Variants in DNAAF11 observed in about 807,000 individuals in gnomAD.
DNAAF11 encodes the protein leucine rich repeat containing 6.
DNAAF11 carries 45 observed loss-of-function variants against 60.8 expected under a neutral mutation model. The ratio of observed to expected loss-of-function variants is 0.74; its 90% confidence interval spans 0.58 to 0.95. DNAAF11 has a LOEUF of 0.95. Among genes scored for constraint, DNAAF11 ranks in the 40% least tolerant of loss-of-function variants. The pLI is 0.00. For synonymous variants in DNAAF11, 191 were observed against 183.5 expected (o/e 1.04, Z -0.33); for missense variants, 546 against 546.2 (o/e 1.00, Z 0.00).
chr8:132,684,279 A>T, the DNAAF11 span, among the ~76,000 whole-genome samples: 1 of 152,246 alleles, frequency 6.6e-6, no homozygotes, highest in Non-Finnish European at 1.5e-5. Context: ...AAAAGGATGT[A>T]GATTAAATCA....
chr8:132,574,812 G>A (rs1454652872), intron 11 of DNAAF11, among the ~76,000 whole-genome samples: 2 of 152,166 alleles, frequency 1.3e-5, no homozygotes, highest in Admixed American at 6.5e-5. Context: ...GAGGACAAGA[G>A]GAATAGTCAG....
chr8:132,585,893 A>G (rs1815840535), intron 10 of DNAAF11, among the ~76,000 whole-genome samples: 1 of 152,166 alleles, frequency 6.6e-6, no homozygotes, highest in Admixed American at 6.5e-5. Flanking sequence ...ATATGGTTTA[A>G]ATATGAAAAC....
chr8:132,591,462 T>A (rs1816457299), intron 10 of DNAAF11, among the ~76,000 whole-genome samples: 1 of 151,890 alleles, frequency 6.6e-6, no homozygotes, highest in South Asian at 2.1e-4. Flanking sequence ...TATAATATTT[T>A]ATTATAATAT....
chr8:132,663,999 C>T (rs1314118277), intron 1 of DNAAF11, among the ~76,000 whole-genome samples: 1 of 152,226 alleles, frequency 6.6e-6, no homozygotes, highest in Non-Finnish European at 1.5e-5. Context: ...GCAAGATTTC[C>T]CCAATCCACC....
intron 1 of DNAAF11, 109 bp from the exon 2 acceptor site, chr8:132,661,736 T>A: frequency 8.6e-7 from 1 of 1,168,024 alleles, no homozygotes; most frequent in Non-Finnish European, 1.2e-6. Context: ...CAGTTGAATG[T>A]CAATTTTCCA....
At chr8:132,686,021 C>T in the DNAAF11 span, among the ~76,000 whole-genome samples, 37 of 152,140 alleles carry the variant, frequency 2.4e-4, no homozygotes, top group African/African-American at 8.7e-4. Context: ...AGTGAACATA[C>T]AATGAACGAG....
Position 132,661,463 on chromosome 8 carries a change from T to C in DNAAF11, c.175A>G (p.Ile59Val), listed in dbSNP as rs1162533132. 6.2e-7 allele frequency: 1 copy of C among 1,610,932 alleles called. No homozygotes were observed. The highest frequency in any genetic ancestry group is 1.3e-5 in the African/African-American group (1 of 74,854). ...LYLQNNLIGK[I>V]ENVSKLKKLE... Reference sequence around the variant, plus strand: ...AGAACTAAGTACTGAAACTTACCAATTTTCCCAATAAGATTATTTTGAAGA... The same window carrying C: ...AGAACTAAGTACTGAAACTTACCAACTTTCCCAATAAGATTATTTTGAAGA... Residue 59 changes from isoleucine (I) to valine (V), a missense_variant, in exon 2 of 12, where the codon ATT becomes GTT. Transcript: ENST00000620350.
chr8:132,605,085 C>A (rs1818002826), intron 10 of DNAAF11, among the ~76,000 whole-genome samples: 1 of 152,042 alleles, frequency 6.6e-6, no homozygotes, highest in Admixed American at 6.6e-5. Context: ...TATTATGTCC[C>A]AAGCGCTGTC....
chr8:132,607,586 T>C (rs1169153360), intron 10 of DNAAF11, among the ~76,000 whole-genome samples: 1 of 152,132 alleles, frequency 6.6e-6, no homozygotes, highest in African/African-American at 2.4e-5. Flanking sequence ...AAGAAAAGAG[T>C]AAAATATTAA....
chr8:132,585,841 T>C (rs983568047), intron 10 of DNAAF11, among the ~76,000 whole-genome samples: 1 of 152,214 alleles, frequency 6.6e-6, no homozygotes, highest in Non-Finnish European at 1.5e-5. Context: ...TGCTGACCAA[T>C]GTTATATTTG....
At position 132,572,199 on chromosome 8, in the gene DNAAF11, T is replaced by C. The variant is rs1243023170; in HGVS notation, c.*107A>G. The C allele has an allele frequency of 3.4e-6, 3 of 880,778 alleles. No individual in the cohort carries two copies. Among genetic ancestry groups the C allele is most frequent in the East Asian group, 2.5e-5 (1 of 39,550 alleles). 54.6% of individuals were successfully genotyped at this position (880,778 alleles called of 1,614,324 possible). Reference sequence around the variant, plus strand: ...GAGTTAAAACACTGGAGCAGCGATATTGACAAATAACTCTGTGTTTATCCC... The same window carrying C: ...GAGTTAAAACACTGGAGCAGCGATACTGACAAATAACTCTGTGTTTATCCC... On this transcript the variant is annotated 3_prime_UTR_variant, in exon 12 of 12. Coordinates refer to ENST00000620350, the MANE Select transcript of DNAAF11 (RefSeq NM_012472.6).
chr8:132,612,814 T>G (rs777999958), intron 8 of DNAAF11, among the ~76,000 whole-genome samples: 2 of 152,160 alleles, frequency 1.3e-5, no homozygotes, highest in Non-Finnish European at 2.9e-5. Flanking sequence ...CCAGGAATTA[T>G]AGCATAATTC....
At chr8:132,600,732 T>G (rs1564002680) in intron 10 of DNAAF11, among the ~76,000 whole-genome samples, 1 of 152,344 alleles carries the variant, frequency 6.6e-6, no homozygotes, top group East Asian at 1.9e-4. Flanking sequence ...TGTAGAAAGC[T>G]GAAACTGGAT....
At chr8:132,600,521 C>G (rs1231153149) in intron 10 of DNAAF11, among the ~76,000 whole-genome samples, 1 of 152,160 alleles carries the variant, frequency 6.6e-6, no homozygotes, top group Admixed American at 6.5e-5. Flanking sequence ...TGACTTCAAA[C>G]TACACTACAA....
chr8:132,616,899 T>C (rs11984462), intron 7 of DNAAF11, among the ~76,000 whole-genome samples: 24,215 of 152,050 alleles, frequency 0.16, 2,995 homozygotes, highest in African/African-American at 0.34. Context: ...CCTATGTCCT[T>C]CCACTGCAGG....
At chr8:132,620,555 G>A (rs910349074) in intron 7 of DNAAF11, among the ~76,000 whole-genome samples, 4 of 152,070 alleles carry the variant, frequency 2.6e-5, no homozygotes, top group African/African-American at 4.8e-5. Flanking sequence ...GGCTGGTCTC[G>A]AACTACTGAC....
Position 132,656,854 on chromosome 8 carries a change from T to C in DNAAF11, c.232A>G (p.Ile78Val), listed in dbSNP as rs146175329. The change falls in exon 3 of 12, where the codon ATT becomes GTT. Residue 78 changes from isoleucine to valine, a missense_variant. Physicochemically the swap from Ile to Val is conservative, Grantham distance 29. Transcript: ENST00000620350. ...LEYLNLALNN[I>V]EKIENLEGCE... is the part of the protein sequence containing the mutation. ...CCTTCCAAGTTTTCTATTTTTTCAATGTTGTTTAAAGCTAAATTCAAATAT... is the reference window on the plus strand; with the variant it reads ...CCTTCCAAGTTTTCTATTTTTTCAACGTTGTTTAAAGCTAAATTCAAATAT... The C allele has an allele frequency of 1.3e-4, 178 of 1,366,828 alleles. No homozygotes were observed. In the African/African-American group the frequency reaches 2.4e-3, roughly 19 times the overall value. 84.7% of individuals were successfully genotyped at this position (1,366,828 alleles called of 1,614,324 possible).
At chr8:132,675,445 A>G (rs1825704404) in intron 1 of DNAAF11, 39 bp downstream of exon 1, 2 of 1,552,250 alleles carry the variant, frequency 1.3e-6, no homozygotes, top group African/African-American at 2.8e-5. Context: ...TACTTCCACA[A>G]GGGGAACGAT....
chr8:132,702,503 C>T, the DNAAF11 span, among the ~76,000 whole-genome samples: 2 of 152,090 alleles, frequency 1.3e-5, no homozygotes, highest in South Asian at 2.1e-4. Flanking sequence ...TATCATCTCA[C>T]CTAATAACTG....
Sources: gnomAD v4.1 joint callset for allele counts (sites outside exome capture counted in the v4.1 genomes callset) on GRCh38, gnomAD v4.1.1 for gene constraint, MANE v1.5 for transcripts, NCBI Gene and HGNC (gene_info 2026-07-23, HGNC 2026-07-21) for gene names.